Variants in CTNNA3 observed in about 807,000 individuals in gnomAD.
The protein encoded by CTNNA3 is catenin alpha 3, also known as catenin alpha-3.
CTNNA3 carries 76 observed loss-of-function variants against 95.7 expected under a neutral mutation model. The ratio of observed to expected loss-of-function variants is 0.79; its 90% CI spans 0.66 to 0.96. CTNNA3 has a LOEUF of 0.96. Among genes scored for constraint, CTNNA3 ranks in the 40% least tolerant of loss-of-function variants. CTNNA3 has a pLI of 0.00. For synonymous variants in CTNNA3, 431 were observed against 374.4 expected, an observed-to-expected ratio of 1.15 and a Z score of -1.74; for missense variants, 1,191 against 1,089.8, an observed-to-expected ratio of 1.09 and a Z score of -1.31.
At chr10:66,178,127 T>C (rs2085818570) in intron 13 of CTNNA3, among the ~76,000 whole-genome samples, 1 of 151,598 alleles carries the variant, frequency 6.6e-6, no homozygotes, top group African/African-American at 2.4e-5. Flanking sequence ...TTTTCAACTT[T>C]TCCAGTTATG....
chr10:66,840,248 T>C (rs932493723), intron 7 of CTNNA3, among the ~76,000 whole-genome samples: 2 of 151,974 alleles, frequency 1.3e-5, no homozygotes, highest in Non-Finnish European at 2.9e-5. Context: ...CTTCACATTA[T>C]GGATAATGTC....
chr10:67,015,809 G>A (rs1007224538), intron 7 of CTNNA3, among the ~76,000 whole-genome samples: 10 of 151,442 alleles, frequency 6.6e-5, no homozygotes, highest in African/African-American at 9.7e-5. Flanking sequence ...CCTGTCTTCC[G>A]TATCTTTCTT....
At chr10:67,179,403 A>G in intron 7 of CTNNA3, among the ~76,000 whole-genome samples, 1 of 150,368 alleles carries the variant, frequency 6.7e-6, no homozygotes, top group East Asian at 2.0e-4. Flanking sequence ...TTTCATATAT[A>G]TGTATAAATA....
chr10:66,219,213 G>A (rs892457255), intron 13 of CTNNA3, among the ~76,000 whole-genome samples: 1 of 152,120 alleles, frequency 6.6e-6, no homozygotes, highest in Non-Finnish European at 1.5e-5. Flanking sequence ...ATGAGGCTTT[G>A]TGGGGTATCG....
At position 66,520,683 on chromosome 10, in the gene CTNNA3, G is replaced by C. The variant is rs1841029975; in HGVS notation, c.1465C>G (p.His489Asp). The C allele has an allele frequency of 6.2e-7, 1 of 1,612,036 alleles. No homozygotes were observed. Among genetic ancestry groups the C allele is most frequent in the Non-Finnish European group, 8.5e-7 (1 of 1,179,020 alleles). ...MEMYKRTWEN[H>D]IHVLTEAVDD... The stretch of plus-strand genomic sequence containing the variant: ...ACGGCTTCAGTGAGGACATGTATAT[G>C]ATTCTCCCATGTACGCTTGTACATT... The change falls in exon 11 of 18, where the codon CAT (histidine) becomes GAT (aspartate). Residue 489 changes from histidine to aspartate, a missense_variant. By Grantham distance (81) the His-to-Asp change is moderately conservative. Coordinates refer to ENST00000433211, the MANE Select transcript of CTNNA3 (RefSeq NM_013266.4).
chr10:65,912,639 A>G lies in CTNNA3; in HGVS notation c.*7691T>C, dbSNP rs2076957248. Reference sequence around the variant, plus strand: ...TGAAATTAGAATAAAGTAAAATAATACTATATAACCAAAACAAACCCAGTG... The same window carrying G: ...TGAAATTAGAATAAAGTAAAATAATGCTATATAACCAAAACAAACCCAGTG... On this transcript the variant is annotated 3_prime_UTR_variant, in exon 18 of 18. Transcript: ENST00000433211. The G allele has an allele frequency of 6.6e-6, 1 of 152,222 alleles. No homozygotes were observed. Among genetic ancestry groups the G allele is most frequent in the South Asian group, 2.1e-4 (1 of 4,834 alleles). 9.4% of individuals were successfully genotyped at this position (152,222 alleles called of 1,614,324 possible).
At chr10:67,304,290 A>G (rs574720326) in intron 5 of CTNNA3, among the ~76,000 whole-genome samples, 2 of 152,306 alleles carry the variant, frequency 1.3e-5, no homozygotes, top group South Asian at 2.1e-4. Context: ...CCATCTCTCC[A>G]TAGGCACTTC....
intron 13 of CTNNA3, among the ~76,000 whole-genome samples, chr10:66,115,524 TGATA>T (rs71035110): frequency 0.15 from 20,678 of 137,660 alleles, 1,775 homozygotes; most frequent in Middle Eastern, 0.2. Context: ...GATAGATAGA[TGATA>T]GATAGATAGA....
intron 13 of CTNNA3, among the ~76,000 whole-genome samples, chr10:66,189,272 CAAA>C (rs36036764): frequency 4.0e-5 from 5 of 126,442 alleles, no homozygotes; most frequent in African/African-American, 5.6e-5. Flanking sequence ...GGAGTTCTAT[CAAA>C]AAAAAAAAAA....
intron 4 of CTNNA3, among the ~76,000 whole-genome samples, chr10:67,536,016 A>G (rs767056598): frequency 3.9e-5 from 6 of 152,128 alleles, no homozygotes; most frequent in Non-Finnish European, 2.9e-5. Context: ...TCCAAACACC[A>G]GAGTTCTCAA....
intron 2 of CTNNA3, among the ~76,000 whole-genome samples, chr10:67,646,321 T>C (rs1295334684): frequency 1.3e-5 from 2 of 151,750 alleles, no homozygotes; most frequent in Non-Finnish European, 2.9e-5. Context: ...CCAGCCTTTT[T>C]TCTTTTTAAC....
chr10:67,705,024 A>G (rs894947139), intron 1 of CTNNA3, among the ~76,000 whole-genome samples: 2 of 152,244 alleles, frequency 1.3e-5, no homozygotes, highest in African/African-American at 4.8e-5. Context: ...AACACATGAA[A>G]AAATGGTCAC....
chr10:65,986,648 A>T (rs140849366), intron 16 of CTNNA3, among the ~76,000 whole-genome samples: 25 of 151,914 alleles, frequency 1.6e-4, no homozygotes, highest in African/African-American at 5.8e-4. Flanking sequence ...AGCAATATAC[A>T]GATTCAGTGT....
At chr10:67,546,808 T>G (rs1388631431) in intron 3 of CTNNA3, among the ~76,000 whole-genome samples, 3 of 152,190 alleles carry the variant, frequency 2.0e-5, no homozygotes, top group East Asian at 3.8e-4. Context: ...AAAGTTAATT[T>G]ATCATTTTTT....
chr10:67,643,154 A>C (rs73270146), intron 2 of CTNNA3, among the ~76,000 whole-genome samples: 13,183 of 152,250 alleles, frequency 0.087, 1,311 homozygotes, highest in African/African-American at 0.24. Context: ...AAAAAGAACA[A>C]GTTCACGTCC....
intron 9 of CTNNA3, among the ~76,000 whole-genome samples, chr10:66,634,623 A>T (rs180683963): frequency 2.1e-5 from 3 of 145,492 alleles, no homozygotes; most frequent in Non-Finnish European, 4.4e-5. Flanking sequence ...AGCAGATATA[A>T]GGTAATGATT....
intron 10 of CTNNA3, among the ~76,000 whole-genome samples, chr10:66,566,034 T>A (rs1368161915): frequency 6.6e-6 from 1 of 152,142 alleles, no homozygotes; most frequent in Non-Finnish European, 1.5e-5. Context: ...TTCATAGACA[T>A]TGTTCTGTGG....
chr10:66,845,887 T>C (rs1163181633), intron 7 of CTNNA3, among the ~76,000 whole-genome samples: 1 of 151,598 alleles, frequency 6.6e-6, no homozygotes, highest in Non-Finnish European at 1.5e-5. Flanking sequence ...TCCCAGCACT[T>C]TGGGAGGCCG....
chr10:66,002,403 T>C (rs1422504566), intron 15 of CTNNA3, among the ~76,000 whole-genome samples: 2 of 152,282 alleles, frequency 1.3e-5, no homozygotes, highest in South Asian at 2.1e-4. Flanking sequence ...ACTTTTGGGA[T>C]TCAAGTCTGA....
Sources: gnomAD v4.1 joint callset for allele counts (sites outside exome capture counted in the v4.1 genomes callset) on GRCh38, gnomAD v4.1.1 for gene constraint, MANE v1.5 for transcripts, NCBI Gene and HGNC (gene_info 2026-07-23, HGNC 2026-07-21) for gene names.